Variants in WDR5B observed in about 807,000 individuals in gnomAD.
The protein encoded by WDR5B is WD repeat domain 5B, also known as WD repeat-containing protein 5B.
A neutral mutation model predicts 24.0 loss-of-function variants in WDR5B; 17 were observed. That is an observed-to-expected ratio of 0.71 (90% confidence interval 0.49 to 1.06). WDR5B has a LOEUF of 1.06. Among genes scored for constraint, WDR5B ranks in the 50% least tolerant of loss-of-function variants. WDR5B has a pLI of 0.00. For missense variants in WDR5B, 368 were observed against 384.1 expected (o/e 0.96, Z 0.35); for synonymous variants, 150 against 146.4 (o/e 1.02, Z -0.18).
Position 122,412,418 on chromosome 3 carries a change from T to C in WDR5B, c.*2118A>G, listed in dbSNP as rs923613938. On this transcript the variant is annotated 3_prime_UTR_variant, in exon 1 of 1. Coordinates refer to ENST00000330689, the MANE Select transcript of WDR5B (RefSeq NM_019069.4). Reference sequence around the variant, plus strand: ...TCAAAGCAGGCAAGGAATGAAGTTGTATCCTTCACTGTCAAACATTACTTG... The same window carrying C: ...TCAAAGCAGGCAAGGAATGAAGTTGCATCCTTCACTGTCAAACATTACTTG... 1 of 152,250 alleles carries C rather than the reference T, an allele frequency of 6.6e-6. No individual in the cohort carries two copies. The highest frequency in any genetic ancestry group is 2.4e-5 in the African/African-American group (1 of 41,462). The allele number at this position is 152,250 out of a possible 1,614,324, so 9.4% of individuals were successfully genotyped here.
In WDR5B at chr3:122,415,398, A is replaced by G. The variant is rs760431734; in HGVS notation, c.131T>C (p.Val44Ala). The change falls in exon 1 of 1, where the codon GTG (valine) becomes GCG (alanine). Residue 44 changes from valine (V) to alanine (A), a missense_variant. By Grantham distance (64) the Val-to-Ala change is moderately conservative. Transcript: ENST00000330689. ...ATTAGGACTAAACTTAACTGATGAC[A>G]CTGCTTCCGTGTGTCCCACAAGAGT... ...KCTLVGHTEA[V>A]SSVKFSPNGE... The G allele has an allele frequency of 3.7e-6, 6 of 1,614,224 alleles. No individual in the cohort carries two copies. The highest frequency in any genetic ancestry group is 2.2e-5 in the East Asian group (1 of 44,886).
In WDR5B at chr3:122,415,555, G is replaced by A. The variant is rs758992488; in HGVS notation, c.-27C>T. ...GCTCTGAAGCTCCAAGTTAGCAGGT[G>A]TACTAGGCGTTCAGCCCTGAACCAG... On this transcript the variant is annotated 5_prime_UTR_variant, in exon 1 of 1. Coordinates refer to ENST00000330689, the MANE Select transcript of WDR5B (RefSeq NM_019069.4). 3.8e-6 allele frequency: 6 copies of A among 1,586,742 alleles called. No individual in the cohort carries two copies. The African/African-American group carries it at 8.1e-5, about 21-fold the overall frequency.
rs779135750 is a variant in WDR5B at position 122,414,901 on chromosome 3, TATC to T, written c.625_627del (p.Asp209del). The T allele has an allele frequency of 1.2e-6, 2 of 1,614,208 alleles. No individual in the cohort carries two copies. The highest frequency in any genetic ancestry group is 4.5e-5 in the East Asian group (2 of 44,884). ...AATTTTACAAAAGAGACAGGAGGGT[TATC>T]GTCATCAACGAGCGTTTTTAAACAC... On this transcript the variant is annotated inframe_deletion, in exon 1 of 1. Coordinates refer to ENST00000330689, the MANE Select transcript of WDR5B (RefSeq NM_019069.4).
In WDR5B at chr3:122,412,796, ATGT is replaced by A. The variant is rs1295486668; in HGVS notation, c.*1737_*1739del. On this transcript the variant is annotated 3_prime_UTR_variant, in exon 1 of 1. Coordinates refer to ENST00000330689, the MANE Select transcript of WDR5B (RefSeq NM_019069.4). ...AGGTCCTTGAGAAACACCATTTATAATGTTGTTTTGGTTTTTGAAATTTTTAGA... is the reference window on the plus strand; with the variant it reads ...AGGTCCTTGAGAAACACCATTTATAATGTTTTGGTTTTTGAAATTTTTAGA... 1.3e-5 allele frequency: 2 copies of A among 152,216 alleles called. No individual in the cohort carries two copies. Among genetic ancestry groups the A allele is most frequent in the Admixed American group, 6.5e-5 (1 of 15,286 alleles). 9.4% of individuals were successfully genotyped at this position (152,216 alleles called of 1,614,324 possible). A position where few individuals can be genotyped will look rare whatever the true frequency, so the allele number is the denominator to read the frequency against.
rs529156087 is a variant in WDR5B at position 122,415,270 on chromosome 3, A to G, written c.259T>C (p.Ser87Pro). ...GAATCTGATGACCAGGCAACATCCGATATTTCCAAATTATGACCATAGAGT... is the reference window on the plus strand; with the variant it reads ...GAATCTGATGACCAGGCAACATCCGGTATTTCCAAATTATGACCATAGAGT... ...KTLYGHNLEI[S>P]DVAWSSDSSR... The change falls in exon 1 of 1, where the codon TCG becomes CCG. Residue 87 changes from serine (S) to proline (P), a missense_variant. Ser to Pro is a moderately conservative substitution (Grantham distance 74, BLOSUM62 -1). Coordinates refer to ENST00000330689, the MANE Select transcript of WDR5B (RefSeq NM_019069.4). 2.0e-5 allele frequency: 33 copies of G among 1,614,102 alleles called. No individual in the cohort carries two copies. In the South Asian group the frequency reaches 2.6e-4, roughly 13 times the overall value.
At position 122,415,174 on chromosome 3, in the gene WDR5B, TCAAA is replaced by T; in HGVS notation, c.351_354del (p.Cys117Ter). The T allele has an allele frequency of 6.2e-7, 1 of 1,614,246 alleles. No individual in the cohort carries two copies. The highest frequency in any genetic ancestry group is 1.1e-5 in the South Asian group (1 of 91,082). On this transcript the variant is annotated frameshift_variant, in exon 1 of 1. Coordinates refer to ENST00000330689, the MANE Select transcript of WDR5B (RefSeq NM_019069.4). LOFTEE classifies it high-confidence loss of function. ...TAATTACTGTGCCCCTTCAGTGTTT[TCAAA>T]CATTTTCCAGATCTCACATCCCATA... is the stretch of plus-strand genomic sequence containing the variant.
chr3:122,415,264 C>T lies in WDR5B; in HGVS notation c.265G>A (p.Val89Ile). The change falls in exon 1 of 1, where the codon GTT (valine) becomes ATT (isoleucine). Residue 89 changes from valine (V) to isoleucine (I), a missense_variant. Transcript: ENST00000330689. ...CGACTGGAATCTGATGACCAGGCAA[C>T]ATCCGATATTTCCAAATTATGACCA... ...LYGHNLEISD[V>I]AWSSDSSRLV... 2 of 1,614,208 alleles carry T rather than the reference C, an allele frequency of 1.2e-6. No individual in the cohort carries two copies. The highest frequency in any genetic ancestry group is 1.7e-6 in the Non-Finnish European group (2 of 1,180,014).
rs1006731513 is a variant in WDR5B, at chr3:122,412,280, A to G, written c.*2256T>C. On this transcript the variant is annotated 3_prime_UTR_variant, in exon 1 of 1. Coordinates refer to ENST00000330689, the MANE Select transcript of WDR5B (RefSeq NM_019069.4). ...GTAAAGTGGGCAGAAATCTTTTTCT[A>G]CTTTACATTTCCTGTAAGTGCTGTT... 1 of 152,172 alleles carries G rather than the reference A, an allele frequency of 6.6e-6. No homozygotes were observed. The highest frequency in any genetic ancestry group is 2.4e-5 in the African/African-American group (1 of 41,446). 9.4% of individuals were successfully genotyped at this position (152,172 alleles called of 1,614,324 possible).
chr3:122,414,850 T>C lies in WDR5B; in HGVS notation c.679A>G (p.Thr227Ala). 1 of 1,614,134 alleles carries C rather than the reference T, an allele frequency of 6.2e-7. No homozygotes were observed. Among genetic ancestry groups the C allele is most frequent in the Non-Finnish European group, 8.5e-7 (1 of 1,180,038 alleles). ...TTAAGAGTGTTGTCCAAAGTTGCAG[T>C]GAGAATGTATTTACCATTTGGAGAA... ...KFSPNGKYIL[T>A]ATLDNTLKLW... The change falls in exon 1 of 1, where the codon ACT (threonine) becomes GCT (alanine). Residue 227 changes from threonine (T) to alanine (A), a missense_variant. By Grantham distance (58) the Thr-to-Ala change is moderately conservative. Transcript: ENST00000330689.
At position 122,413,945 on chromosome 3, in the gene WDR5B, A is replaced by ATACT. The variant is rs1370338357; in HGVS notation, c.*587_*590dup. 1 of 153,108 alleles carries ATACT rather than the reference A, an allele frequency of 6.5e-6. No homozygotes were observed. Among genetic ancestry groups the ATACT allele is most frequent in the Non-Finnish European group, 1.5e-5 (1 of 68,778 alleles). The allele number at this position is 153,108 out of a possible 1,614,324, so 9.5% of individuals were successfully genotyped here. A position where few individuals can be genotyped will look rare whatever the true frequency, so the allele number is the denominator to read the frequency against. On this transcript the variant is annotated 3_prime_UTR_variant, in exon 1 of 1. Transcript: ENST00000330689. ...CAGATGACTGGATAATGTGGTGTAT[A>ATACT]TACTTATATACATACACATACACAT...
At position 122,413,339 on chromosome 3, in the gene WDR5B, G is replaced by A. The variant is rs1238134144; in HGVS notation, c.*1197C>T. On this transcript the variant is annotated 3_prime_UTR_variant, in exon 1 of 1. Transcript: ENST00000330689. ...AAGTCAAAAAATGGCTGGGTACAGT[G>A]GCTCATGCCTGTAATCCCAGCACTT... 1 of 152,328 alleles carries A rather than the reference G, an allele frequency of 6.6e-6. No individual in the cohort carries two copies. Among genetic ancestry groups the A allele is most frequent in the African/African-American group, 2.4e-5 (1 of 41,466 alleles). The allele number at this position is 152,328 out of a possible 1,614,324, so 9.4% of individuals were successfully genotyped here. A position where few individuals can be genotyped will look rare whatever the true frequency, so the allele number is the denominator to read the frequency against.
Position 122,415,717 on chromosome 3 carries a change from T to TG in WDR5B, c.-190_-189insC. ...CGGAATCAGCAGCACGGCTTGGACTTCAAGTTTTCATCTTTTTGTTAAGTA... is the reference window on the plus strand; with the variant it reads ...CGGAATCAGCAGCACGGCTTGGACTTGCAAGTTTTCATCTTTTTGTTAAGTA... On this transcript the variant is annotated 5_prime_UTR_variant, in exon 1 of 1. An upstream open reading frame in the 5' UTR loses its in-frame stop. Transcript: ENST00000330689. The TG allele has an allele frequency of 1.5e-6, 1 of 654,520 alleles. No individual in the cohort carries two copies. Among genetic ancestry groups the TG allele is most frequent in the Non-Finnish European group, 2.5e-6 (1 of 399,900 alleles). The allele number at this position is 654,520 out of a possible 1,614,324, so 40.5% of individuals were successfully genotyped here.
In WDR5B at chr3:122,415,507, C is replaced by G. The variant is rs554314999; in HGVS notation, c.22G>C (p.Asp8His). The G allele has an allele frequency of 6.2e-7, 1 of 1,612,176 alleles. No individual in the cohort carries two copies. The highest frequency in any genetic ancestry group is 2.2e-5 in the East Asian group (1 of 44,874). MATKESR[D>H]AKAQLALSSS... ...GAGAGGGCCAACTGTGCTTTGGCGT[C>G]TCTTGACTCCTTGGTTGCCATGGCT... is the stretch of plus-strand genomic sequence containing the variant. Residue 8 changes from aspartate to histidine, a missense_variant, in exon 1 of 1, where the codon GAC (aspartate) becomes CAC (histidine). By Grantham distance (81) the Asp-to-His change is moderately conservative (BLOSUM62 -1). Transcript: ENST00000330689.
At position 122,414,349 on chromosome 3, in the gene WDR5B, G is replaced by A; in HGVS notation, c.*187C>T. On this transcript the variant is annotated 3_prime_UTR_variant, in exon 1 of 1. Transcript: ENST00000330689. ...ACAAAAAGTTGCTCAAAAAAGATTG[G>A]TAGTCAGAAGCTGAATTCTAGATGT... 1.4e-6 allele frequency: 1 copy of A among 724,252 alleles called. No homozygotes were observed. Among genetic ancestry groups the A allele is most frequent in the Admixed American group, 3.3e-5 (1 of 30,154 alleles). 44.9% of individuals were successfully genotyped at this position (724,252 alleles called of 1,614,324 possible).
Position 122,414,633 on chromosome 3 carries a change from A to G in WDR5B, c.896T>C (p.Val299Ala), listed in dbSNP as rs140462855. The G allele has an allele frequency of 4.4e-5, 71 of 1,614,060 alleles. No individual in the cohort carries two copies. In the African/African-American group the frequency reaches 4.9e-4, roughly 11 times the overall value. ...AGGATGACAAGCTGCTGAGATCACA[A>G]CATCTGTATGGCCTTGTAATTTCTG... Reference protein sequence around the residue: ...IVQKLQGHTDVVISAACHPTE... With the variant: ...IVQKLQGHTDAVISAACHPTE... Residue 299 changes from valine to alanine, a missense_variant, in exon 1 of 1, where the codon GTT (valine) becomes GCT (alanine). Physicochemically the swap from Val to Ala is moderately conservative, Grantham distance 64. Transcript: ENST00000330689.
At position 122,413,021 on chromosome 3, in the gene WDR5B, C is replaced by T. The variant is rs2075712631; in HGVS notation, c.*1515G>A. Reference sequence around the variant, plus strand: ...AGAAACCCTGGAATTATTTCAAATTCCCTTGCTCCCCTCTTTTAATCAATC... The same window carrying T: ...AGAAACCCTGGAATTATTTCAAATTTCCTTGCTCCCCTCTTTTAATCAATC... On this transcript the variant is annotated 3_prime_UTR_variant, in exon 1 of 1. Coordinates refer to ENST00000330689, the MANE Select transcript of WDR5B (RefSeq NM_019069.4). 1 of 152,226 alleles carries T rather than the reference C, an allele frequency of 6.6e-6. No homozygotes were observed. Among genetic ancestry groups the T allele is most frequent in the South Asian group, 2.1e-4 (1 of 4,830 alleles). The allele number at this position is 152,226 out of a possible 1,614,324, so 9.4% of individuals were successfully genotyped here.
rs960852172 is a variant in WDR5B at position 122,415,023 on chromosome 3, G to A, written c.506C>T (p.Pro169Leu). Residue 169 changes from proline (P) to leucine (L), a missense_variant, in exon 1 of 1, where the codon CCA becomes CTA. Coordinates refer to ENST00000330689, the MANE Select transcript of WDR5B (RefSeq NM_019069.4). ...ACAATTAAAATGAACAGCAGAAACT[G>A]GGTCAGAATGAGCAGACAAAGTCTT... ...CLKTLSAHSDPVSAVHFNCSG... is the reference protein window; with the variant it reads ...CLKTLSAHSDLVSAVHFNCSG... 3.5e-5 allele frequency: 56 copies of A among 1,614,032 alleles called. No homozygotes were observed. The highest frequency in any genetic ancestry group is 5.3e-5 in the African/African-American group (4 of 74,904).
At position 122,414,888 on chromosome 3, in the gene WDR5B, GAGAC is replaced by G. The variant is rs769582801; in HGVS notation, c.637_640del (p.Val213LeufsTer3). The G allele has an allele frequency of 1.9e-6, 3 of 1,614,170 alleles. No individual in the cohort carries two copies. Among genetic ancestry groups the G allele is most frequent in the South Asian group, 2.2e-5 (2 of 91,086 alleles). The stretch of plus-strand genomic sequence containing the variant: ...ACCATTTGGAGAAAATTTTACAAAA[GAGAC>G]AGGAGGGTTATCGTCATCAACGAGC... On this transcript the variant is annotated frameshift_variant, in exon 1 of 1. Coordinates refer to ENST00000330689, the MANE Select transcript of WDR5B (RefSeq NM_019069.4). LOFTEE classifies it high-confidence loss of function.
At position 122,414,519 on chromosome 3, in the gene WDR5B, C is replaced by G. The variant is rs1437342703; in HGVS notation, c.*17G>C. 1.9e-6 allele frequency: 3 copies of G among 1,583,860 alleles called. No homozygotes were observed. Among genetic ancestry groups the G allele is most frequent in the South Asian group, 1.1e-5 (1 of 87,114 alleles). ...TTTTTTGGCCAACTTGGCTCTACTA[C>G]TTGATTTTCAAAGGGATTAGTGGTT... On this transcript the variant is annotated 3_prime_UTR_variant, in exon 1 of 1. Transcript: ENST00000330689.
Sources: allele counts gnomAD v4.1 joint callset, GRCh38; gene constraint gnomAD v4.1.1; transcripts MANE v1.5; gene names NCBI Gene and HGNC (gene_info 2026-07-23, HGNC 2026-07-21).